The following DPH6 variants were observed in gnomAD, a reference collection of about 807,000 sequenced individuals.
DPH6 encodes diphthamine biosynthesis 6, also known as diphthine--ammonia ligase.
Under a neutral mutation model 38.2 loss-of-function variants are expected in DPH6, and 33 were observed. The ratio of observed to expected loss-of-function variants is 0.86; its 90% CI spans 0.65 to 1.15. DPH6 has a LOEUF of 1.15. Ranked by LOEUF, DPH6 falls within the 50% of genes most tolerant of loss-of-function variation. DPH6 has a pLI of 0.00. For synonymous variants in DPH6, 108 were observed against 103.0 expected, an observed-to-expected ratio of 1.05 and a Z score of -0.30; for missense variants, 325 against 320.0, an observed-to-expected ratio of 1.02 and a Z score of -0.12.
At chr15:35,228,865 T>C (rs777733123) in intron 3 of DPH6, among the ~76,000 whole-genome samples, 6 of 152,204 alleles carry the variant, frequency 3.9e-5, no homozygotes, top group Non-Finnish European at 7.3e-5. Context: ...ACTTTAAATA[T>C]GTCATGCCAC....
chr15:35,191,913 G>A, the DPH6 span, among the ~76,000 whole-genome samples: 53 of 152,130 alleles, frequency 3.5e-4, no homozygotes, highest in African/African-American at 1.2e-3. Context: ...AATTTTATTC[G>A]GTTGAGAGTC....
At chr15:35,448,116 T>A (rs935607459) in intron 5 of DPH6, among the ~76,000 whole-genome samples, 3 of 152,188 alleles carry the variant, frequency 2.0e-5, no homozygotes, top group Non-Finnish European at 4.4e-5. Context: ...AGCAACTAGA[T>A]ATATCCTGCT....
chr15:35,524,637 GTATCTCAGTTTACT>G (rs1472849319), intron 3 of DPH6, among the ~76,000 whole-genome samples: 2 of 152,110 alleles, frequency 1.3e-5, no homozygotes, highest in Non-Finnish European at 2.9e-5. Context: ...TAACCTCTCT[GTATCTCAGTTTACT>G]TATCTGCAAA....
At chr15:35,159,041 C>T in the DPH6 span, among the ~76,000 whole-genome samples, 222 of 152,170 alleles carry the variant, frequency 1.5e-3, no homozygotes, top group African/African-American at 5.0e-3. Flanking sequence ...TTTATATAGT[C>T]GATGTATACT....
At chr15:35,466,857 C>G (rs994183447) in intron 3 of DPH6, among the ~76,000 whole-genome samples, 2 of 152,026 alleles carry the variant, frequency 1.3e-5, no homozygotes, top group Non-Finnish European at 2.9e-5. Context: ...AGAAAAAGTA[C>G]AGTAAAAATA....
At chr15:35,356,984 G>A (rs772212534) in intron 3 of DPH6, among the ~76,000 whole-genome samples, 1 of 152,150 alleles carries the variant, frequency 6.6e-6, no homozygotes, top group Non-Finnish European at 1.5e-5. Flanking sequence ...CGGCAGTGGC[G>A]GGTGCCTCTC....
intron 3 of DPH6, among the ~76,000 whole-genome samples, chr15:35,466,867 A>G (rs371352261): frequency 2.0e-5 from 3 of 152,354 alleles, no homozygotes; most frequent in South Asian, 4.1e-4. Flanking sequence ...CAGTAAAAAT[A>G]CAATTAAAAA....
intron 5 of DPH6, among the ~76,000 whole-genome samples, chr15:35,423,256 A>G (rs1044594772): frequency 4.5e-4 from 69 of 151,894 alleles, no homozygotes; most frequent in African/African-American, 1.4e-3. Flanking sequence ...GTGACGTGAT[A>G]CCTCATTGTG....
At chr15:35,426,506 C>T (rs2053572059) in intron 5 of DPH6, among the ~76,000 whole-genome samples, 1 of 151,668 alleles carries the variant, frequency 6.6e-6, no homozygotes, top group Non-Finnish European at 1.5e-5. Flanking sequence ...CATTAATTAA[C>T]ATACCTTATC....
chr15:35,151,465 T>C, the DPH6 span, among the ~76,000 whole-genome samples: 5 of 152,246 alleles, frequency 3.3e-5, no homozygotes, highest in African/African-American at 9.6e-5. Context: ...TGTAGTTTTG[T>C]TTAACACTGA....
chr15:35,404,596 G>T (rs894659068), intron 6 of DPH6, among the ~76,000 whole-genome samples: 1 of 152,108 alleles, frequency 6.6e-6, no homozygotes, highest in Non-Finnish European at 1.5e-5. Flanking sequence ...CTATAGAGTT[G>T]TATAAGCTCC....
intron 3 of DPH6, among the ~76,000 whole-genome samples, chr15:35,534,346 C>T (rs1399359312): frequency 6.8e-6 from 1 of 146,520 alleles, no homozygotes; most frequent in Non-Finnish European, 1.5e-5. Context: ...CATTGCTCTC[C>T]AGCCTGGGCA....
chr15:35,240,564 G>C (rs1409082376), intron 3 of DPH6, among the ~76,000 whole-genome samples: 3 of 143,326 alleles, frequency 2.1e-5, no homozygotes, highest in Admixed American at 1.5e-4. Flanking sequence ...GTTTCATTCT[G>C]TGACTAGCCC....
intron 3 of DPH6, among the ~76,000 whole-genome samples, chr15:35,347,314 A>C (rs1329478472): frequency 6.6e-6 from 1 of 152,020 alleles, no homozygotes; most frequent in Non-Finnish European, 1.5e-5. Context: ...TATATGACAG[A>C]ATTGCCTGTT....
intron 3 of DPH6, among the ~76,000 whole-genome samples, chr15:35,531,168 A>C (rs1465924746): frequency 1.3e-5 from 2 of 152,218 alleles, no homozygotes; most frequent in Non-Finnish European, 2.9e-5. Context: ...TTTTTCCCTC[A>C]TGAAGTGAAG....
At chr15:35,360,925 G>T (rs1845233395) in intron 3 of DPH6, among the ~76,000 whole-genome samples, 1 of 152,116 alleles carries the variant, frequency 6.6e-6, no homozygotes, top group African/African-American at 2.4e-5. Context: ...CTCCTACCAG[G>T]TCCTTGGGTA....
chr15:35,507,863 C>T (rs1399031362), intron 3 of DPH6, among the ~76,000 whole-genome samples: 1 of 151,820 alleles, frequency 6.6e-6, no homozygotes, highest in East Asian at 1.9e-4. Context: ...TATATTCATA[C>T]AAACATATAT....
intron 5 of DPH6, among the ~76,000 whole-genome samples, chr15:35,436,499 C>CAAACAAAAAA (rs1555401704): frequency 4.6e-5 from 1 of 21,920 alleles, no homozygotes; most frequent in African/African-American, 8.1e-5. Context: ...CAAAACAAAA[C>CAAACAAAAAA]AAAACAAAAC....
intron 3 of DPH6, among the ~76,000 whole-genome samples, chr15:35,354,458 A>G (rs2052542511): frequency 6.6e-6 from 1 of 152,228 alleles, no homozygotes; most frequent in Admixed American, 6.5e-5. Context: ...ATGTCCCATC[A>G]ATATGAAATT....
Sources: allele counts gnomAD v4.1 joint callset (sites outside exome capture counted in the v4.1 genomes callset), GRCh38; gene constraint gnomAD v4.1.1; transcripts MANE v1.5; gene names NCBI Gene and HGNC (gene_info 2026-07-23, HGNC 2026-07-21).